Variants in SAMMSON observed in about 807,000 individuals in gnomAD.
The protein encoded by SAMMSON is long intergenic non-protein coding RNA 1212.
chr3:70,329,579 C>G (rs1331779720), intron 7 of SAMMSON, among the ~76,000 whole-genome samples: 1 of 151,902 alleles, frequency 6.6e-6, no homozygotes, highest in African/African-American at 2.4e-5. Context: ...AGAAATTTTT[C>G]TGTTTTAATA....
intron 4 of SAMMSON, chr3:70,183,651 G>T (rs553610060): frequency 6.6e-6 from 1 of 152,286 alleles, no homozygotes; most frequent in East Asian, 1.9e-4. Flanking sequence ...GTCCCCTGGG[G>T]TGTCCAAATT....
chr3:70,193,944 GA>G (rs199865369), intron 4 of SAMMSON, among the ~76,000 whole-genome samples: 1 of 151,482 alleles, frequency 6.6e-6, no homozygotes, highest in African/African-American at 2.4e-5. Context: ...TGCTCCTTTG[GA>G]AAAAAAACTG....
At chr3:70,236,289 A>C (rs1701608124) in intron 4 of SAMMSON, among the ~76,000 whole-genome samples, 1 of 152,206 alleles carries the variant, frequency 6.6e-6, no homozygotes, top group Admixed American at 6.5e-5. Context: ...TTGAGACTTT[A>C]AACTCCCTGC....
chr3:70,347,128 A>T (rs1445998808), intron 7 of SAMMSON, among the ~76,000 whole-genome samples: 1 of 152,222 alleles, frequency 6.6e-6, no homozygotes, highest in African/African-American at 2.4e-5. Flanking sequence ...ACGGAAATCA[A>T]TTTAATAGCA....
intron 7 of SAMMSON, chr3:70,311,793 A>G (rs1365645581): frequency 2.5e-6 from 1 of 393,574 alleles, no homozygotes; most frequent in Non-Finnish European, 4.5e-6. Flanking sequence ...TTGAACGGTC[A>G]GGACAATTTC....
chr3:70,078,058 C>T (rs1014868077), intron 4 of SAMMSON, among the ~76,000 whole-genome samples: 3 of 152,122 alleles, frequency 2.0e-5, no homozygotes, highest in South Asian at 2.1e-4. Context: ...TGGTAAACTT[C>T]TCATCTCTAT....
At chr3:70,258,852 C>T (rs1054563358) in intron 6 of SAMMSON, among the ~76,000 whole-genome samples, 4 of 151,920 alleles carry the variant, frequency 2.6e-5, no homozygotes, top group African/African-American at 9.7e-5. Flanking sequence ...GGTGATGACC[C>T]TATGATTGAA....
intron 6 of SAMMSON, among the ~76,000 whole-genome samples, chr3:70,251,378 A>T (rs765351799): frequency 5.7e-4 from 86 of 152,104 alleles, no homozygotes; most frequent in Non-Finnish European, 1.0e-3. Flanking sequence ...GGACTATCTG[A>T]TTTTTTTATC....
chr3:70,139,166 A>C (rs1447154366), intron 4 of SAMMSON, among the ~76,000 whole-genome samples: 2 of 152,206 alleles, frequency 1.3e-5, no homozygotes, highest in East Asian at 1.9e-4. Context: ...AAATCTGAGT[A>C]GCTAGGACTA....
chr3:70,183,662 G>A (rs183649326), intron 4 of SAMMSON: 3 of 152,328 alleles, frequency 2.0e-5, no homozygotes, highest in East Asian at 3.9e-4. Flanking sequence ...TGTCCAAATT[G>A]TGACAGAAAA....
At chr3:70,422,196 A>C (rs1345462374) in intron 2 of SAMMSON, among the ~76,000 whole-genome samples, 1 of 152,062 alleles carries the variant, frequency 6.6e-6, no homozygotes, top group Non-Finnish European at 1.5e-5. Flanking sequence ...GAGAGGACAG[A>C]GGCATAAAAT....
chr3:70,302,167 G>A (rs561812203), intron 7 of SAMMSON, among the ~76,000 whole-genome samples: 4 of 152,164 alleles, frequency 2.6e-5, no homozygotes, highest in South Asian at 2.1e-4. Flanking sequence ...TTTACTTCTC[G>A]ACAGGCTTAA....
At chr3:70,333,407 TAC>T (rs563161566) in intron 7 of SAMMSON, among the ~76,000 whole-genome samples, 2 of 152,142 alleles carry the variant, frequency 1.3e-5, no homozygotes, top group African/African-American at 4.8e-5. Context: ...AATGGTTATA[TAC>T]ACACACACAT....
At chr3:70,044,312 G>A (rs550857269) in intron 3 of SAMMSON, among the ~76,000 whole-genome samples, 18 of 152,058 alleles carry the variant, frequency 1.2e-4, no homozygotes, top group Non-Finnish European at 2.5e-4. Context: ...AATATATTGC[G>A]CTTAGGGGGT....
intron 4 of SAMMSON, among the ~76,000 whole-genome samples, chr3:70,223,324 G>A (rs1327779019): frequency 6.6e-6 from 1 of 151,930 alleles, no homozygotes; most frequent in African/African-American, 2.4e-5. Context: ...TGACTCCCAA[G>A]CCCTATCTCT....
intron 6 of SAMMSON, among the ~76,000 whole-genome samples, chr3:70,270,890 G>A (rs1050375184): frequency 1.3e-5 from 2 of 152,092 alleles, no homozygotes; most frequent in Non-Finnish European, 2.9e-5. Flanking sequence ...ATCAGGGGAT[G>A]GGGGTCTAGG....
intron 4 of SAMMSON, among the ~76,000 whole-genome samples, chr3:70,143,954 C>A (rs2067538096): frequency 6.6e-6 from 1 of 152,098 alleles, no homozygotes; most frequent in Non-Finnish European, 1.5e-5. Context: ...ACATAAGTGG[C>A]AGACCATCAT....
chr3:70,428,277 C>T (rs1701387303), intron 2 of SAMMSON, among the ~76,000 whole-genome samples: 1 of 151,880 alleles, frequency 6.6e-6, no homozygotes, highest in Admixed American at 6.6e-5. Context: ...ATGCAAACGG[C>T]CTAGAATAGC....
rs532858696 is a variant in SAMMSON at position 70,111,957 on chromosome 3, G to C, written n.507+40392G>C. On this transcript the variant is annotated intron_variant and non_coding_transcript_variant, in intron 4 of 9. Coordinates refer to ENST00000642114, the Ensembl canonical transcript of SAMMSON. ...GGGACATTAAAAGTCTTGAAAGGTA[G>C]AATGAGAAGGTCCAAATAATTTGCT... 2.0e-5 allele frequency among the ~76,000 whole-genome samples: 3 copies of C among 152,184 alleles called. No individual in the cohort carries two copies. In the East Asian group the frequency reaches 5.8e-4, roughly 29 times the overall value.
Sources: allele counts gnomAD v4.1 joint callset (sites outside exome capture counted in the v4.1 genomes callset), GRCh38; gene constraint gnomAD v4.1.1; transcripts MANE v1.5; gene names NCBI Gene and HGNC (gene_info 2026-07-23, HGNC 2026-07-21).